The following IQCK variants were observed in gnomAD, a reference collection of about 807,000 sequenced individuals.
IQCK encodes the protein IQ domain-containing protein K.
A neutral mutation model predicts 28.1 loss-of-function variants in IQCK; 29 were observed. The ratio of observed to expected loss-of-function variants is 1.03; its 90% CI spans 0.77 to 1.41. The LOEUF is 1.41. Among genes scored for constraint, IQCK ranks in the 40% most tolerant of loss-of-function variants. The pLI is 0.00. For synonymous variants in IQCK, 113 were observed against 115.1 expected (o/e 0.98, Z 0.12); for missense variants, 359 against 314.7 (o/e 1.14, Z -1.07).
At chr16:19,817,312 A>G (rs2056002198) in intron 7 of IQCK, among the ~76,000 whole-genome samples, 1 of 152,162 alleles carries the variant, frequency 6.6e-6, no homozygotes, top group Non-Finnish European at 1.5e-5. Flanking sequence ...TGGCACAACT[A>G]CTGCCATTGA....
intron 1 of IQCK, among the ~76,000 whole-genome samples, chr16:19,727,128 CT>C (rs1314345262): frequency 1.4e-4 from 20 of 139,876 alleles, no homozygotes; most frequent in African/African-American, 5.4e-4. Context: ...AAGACTCGGT[CT>C]CAAAAAAAAA....
Position 19,809,363 on chromosome 16 carries a change from A to G in IQCK, c.691-17663A>G, listed in dbSNP as rs1046759201. Among the ~76,000 whole-genome samples, 3 of 152,178 alleles carry G rather than the reference A, an allele frequency of 2.0e-5. No homozygotes were observed. In the East Asian group the frequency reaches 5.8e-4, roughly 29 times the overall value. On this transcript the variant is annotated intron_variant, in intron 7 of 7. Transcript: ENST00000564186. ...CTCACCTAGACTCGATCATGTAGCT[A>G]CATTCAGCTGGTGACCTGGCTGGGC... is the stretch of plus-strand genomic sequence containing the variant.
intron 9 of IQCK, among the ~76,000 whole-genome samples, chr16:19,845,096 G>A (rs1247755770): frequency 2.0e-5 from 3 of 152,146 alleles, no homozygotes; most frequent in African/African-American, 7.2e-5. Flanking sequence ...GAGCCACCAC[G>A]CCCTGCCAGT....
At chr16:19,763,770 T>G in intron 4 of IQCK, 78 bp from the exon 5 acceptor site, 1 of 1,118,288 alleles carries the variant, frequency 8.9e-7, no homozygotes, top group East Asian at 2.4e-5. Flanking sequence ...AAAAAAGTCA[T>G]GTATAAGTAG....
In IQCK at chr16:19,733,191, G is replaced by A. The variant is rs934507651; in HGVS notation, c.247-507G>A. ...TCACTCTTGCTGCCCAGGCTAGAGT[G>A]CAATGGTGTGATCTCAGCTCACTGT... is the stretch of plus-strand genomic sequence containing the variant. On this transcript the variant is annotated intron_variant, in intron 2 of 7. Transcript: ENST00000564186. Among the ~76,000 whole-genome samples the A allele has an allele frequency of 2.6e-5, 4 of 151,786 alleles. No homozygotes were observed. In the East Asian group the frequency reaches 7.7e-4, roughly 29 times the overall value.
intron 6 of IQCK, among the ~76,000 whole-genome samples, chr16:19,786,740 C>T (rs187392722): frequency 1.0e-3 from 130 of 128,588 alleles, no homozygotes; most frequent in Non-Finnish European, 1.6e-3. Flanking sequence ...AGGGAAAGAA[C>T]GGAAAGAAAG....
chr16:19,798,420 A>AT lies in IQCK; in HGVS notation c.690+9498_690+9499insT, dbSNP rs1194972758. Among the ~76,000 whole-genome samples the AT allele has an allele frequency of 7.7e-4, 91 of 117,508 alleles. No homozygotes were observed. In the East Asian group the frequency reaches 0.015, roughly 19 times the overall value. The allele number at this position is 117,508 out of a possible 152,430, so 77.1% of individuals were successfully genotyped here. A position where few individuals can be genotyped will look rare whatever the true frequency, so the allele number is the denominator to read the frequency against. On this transcript the variant is annotated intron_variant, in intron 7 of 7. Transcript: ENST00000564186. ...CGACAGAGCCAGAGTCCATCACAAAAAATATATATATATATATATATATAT... is the reference window on the plus strand; with the variant it reads ...CGACAGAGCCAGAGTCCATCACAAAATAATATATATATATATATATATATAT...
chr16:19,729,260 G>A (rs1346022606), intron 1 of IQCK, among the ~76,000 whole-genome samples: 2 of 151,884 alleles, frequency 1.3e-5, no homozygotes, highest in East Asian at 1.9e-4. Flanking sequence ...GGTGCCCGGC[G>A]CCATGCCTGG....
chr16:19,805,904 G>A (rs1338480975), intron 7 of IQCK, among the ~76,000 whole-genome samples: 2 of 152,046 alleles, frequency 1.3e-5, no homozygotes, highest in Non-Finnish European at 2.9e-5. Context: ...CTGATTGGTT[G>A]GGGATGAACT....
At chr16:19,828,320 G>A (rs1328024099), downstream of IQCK, among the ~76,000 whole-genome samples, 3 of 137,144 alleles carry the variant, frequency 2.2e-5, no homozygotes, top group South Asian at 2.5e-4. Context: ...TGCAACCTCC[G>A]CCTCCTGGAG....
chr16:19,738,959 C>A (rs193273929), intron 4 of IQCK, among the ~76,000 whole-genome samples: 9 of 152,212 alleles, frequency 5.9e-5, no homozygotes, highest in South Asian at 4.2e-4. Flanking sequence ...CTTCGTTAGT[C>A]CTCTCTGGAA....
chr16:19,760,605 T>C (rs1287484358), intron 4 of IQCK, among the ~76,000 whole-genome samples: 1 of 152,128 alleles, frequency 6.6e-6, no homozygotes, highest in Non-Finnish European at 1.5e-5. Context: ...AATTCAACCC[T>C]TAACACTCTG....
At chr16:19,744,737 A>G (rs12920403) in intron 4 of IQCK, among the ~76,000 whole-genome samples, 15,357 of 152,258 alleles carry the variant, frequency 0.1, 1,117 homozygotes, top group Admixed American at 0.22. Flanking sequence ...ACAATCTACA[A>G]ATAAAGCCAA....
At chr16:19,846,303 A>C (rs974132776) in intron 9 of IQCK, among the ~76,000 whole-genome samples, 3 of 152,218 alleles carry the variant, frequency 2.0e-5, no homozygotes, top group African/African-American at 7.2e-5. Context: ...TGCTCTAAGC[A>C]GCTAAGCTGT....
chr16:19,734,200 T>A (rs565557082), intron 3 of IQCK, among the ~76,000 whole-genome samples: 119 of 149,736 alleles, frequency 7.9e-4, no homozygotes, highest in East Asian at 2.9e-3. Flanking sequence ...ACAAAAAATT[T>A]AAAAAAAAAA....
chr16:19,820,430 A>G (rs2056055655), intron 7 of IQCK, among the ~76,000 whole-genome samples: 1 of 152,096 alleles, frequency 6.6e-6, no homozygotes, highest in African/African-American at 2.4e-5. Flanking sequence ...CGGGTGGATC[A>G]TGAGGTCAGC....
intron 6 of IQCK, among the ~76,000 whole-genome samples, chr16:19,781,291 G>A (rs1220052410): frequency 6.6e-6 from 1 of 152,108 alleles, no homozygotes; most frequent in Non-Finnish European, 1.5e-5. Flanking sequence ...ACCCACATGG[G>A]AGCATGTGGT....
At chr16:19,728,344 G>A (rs186037700) in intron 1 of IQCK, among the ~76,000 whole-genome samples, 2 of 152,208 alleles carry the variant, frequency 1.3e-5, no homozygotes, top group Admixed American at 1.3e-4. Flanking sequence ...CACCTCCCTG[G>A]TTCAAATGAT....
At chr16:19,849,278 G>A (rs1435901637) in intron 9 of IQCK, among the ~76,000 whole-genome samples, 2 of 131,518 alleles carry the variant, frequency 1.5e-5, no homozygotes, top group Non-Finnish European at 3.3e-5. Context: ...TTTTTTTTAT[G>A]TATTTGAGAT....
Sources: allele counts gnomAD v4.1 joint callset (sites outside exome capture counted in the v4.1 genomes callset), GRCh38; gene constraint gnomAD v4.1.1; transcripts MANE v1.5; gene names NCBI Gene and HGNC (gene_info 2026-07-23, HGNC 2026-07-21).